Variants in PTPRD observed in about 807,000 individuals in gnomAD.
The protein encoded by PTPRD is protein tyrosine phosphatase receptor type D.
PTPRD carries 34 observed loss-of-function variants against 214.5 expected under a neutral mutation model. The ratio of observed to expected loss-of-function variants is 0.16; its 90% CI spans 0.12 to 0.21. The LOEUF is 0.21. Among genes scored for constraint, PTPRD ranks in the 10% least tolerant of loss-of-function variants. The probability of loss-of-function intolerance (pLI) is 1.00; values close to 1 mark genes in which losing one functional copy is unlikely to be tolerated. For synonymous variants in PTPRD, 1,128 were observed against 845.7 expected (o/e 1.33, Z -5.79); for missense variants, 2,545 against 2,398.7 (o/e 1.06, Z -1.27).
intron 35 of PTPRD, among the ~76,000 whole-genome samples, chr9:8,414,673 C>T (rs146922427): frequency 1.1e-4 from 16 of 151,822 alleles, no homozygotes; most frequent in Admixed American, 5.3e-4. Context: ...ACTGTCCCAG[C>T]GTAGTTATTA....
intron 7 of PTPRD, among the ~76,000 whole-genome samples, chr9:9,607,535 CA>C (rs2094242740): frequency 6.6e-6 from 1 of 151,972 alleles, no homozygotes; most frequent in Admixed American, 6.6e-5. Flanking sequence ...TTTAAGAAAC[CA>C]AAAGATGCAA....
At chr9:8,926,180 C>G (rs2098889998) in intron 11 of PTPRD, among the ~76,000 whole-genome samples, 1 of 152,052 alleles carries the variant, frequency 6.6e-6, no homozygotes, top group African/African-American at 2.4e-5. Context: ...GACTGGAATA[C>G]CTTTTCATTT....
At chr9:9,863,816 GC>G (rs1395710284) in intron 5 of PTPRD, among the ~76,000 whole-genome samples, 1 of 149,370 alleles carries the variant, frequency 6.7e-6, no homozygotes, top group Non-Finnish European at 1.5e-5. Context: ...TATTCCAGCA[GC>G]CAACCTACAT....
chr9:9,088,066 G>C (rs71497125), intron 10 of PTPRD, among the ~76,000 whole-genome samples: 5 of 150,712 alleles, frequency 3.3e-5, no homozygotes, highest in African/African-American at 1.2e-4. Context: ...ATTTTTAGTA[G>C]ACACGGGGTT....
At chr9:9,217,545 G>A (rs948502282) in intron 9 of PTPRD, among the ~76,000 whole-genome samples, 2 of 149,474 alleles carry the variant, frequency 1.3e-5, no homozygotes, top group Admixed American at 6.6e-5. Context: ...TGGCTATGTC[G>A]GATCCTTTAT....
intron 8 of PTPRD, among the ~76,000 whole-genome samples, chr9:9,398,619 G>A (rs1241748488): frequency 2.0e-5 from 3 of 151,948 alleles, no homozygotes; most frequent in Non-Finnish European, 4.4e-5. Context: ...TAAAGAAATT[G>A]AGGGTGAAGA....
intron 11 of PTPRD, among the ~76,000 whole-genome samples, chr9:8,844,757 T>G (rs1566557265): frequency 6.6e-6 from 1 of 152,134 alleles, no homozygotes; most frequent in Non-Finnish European, 1.5e-5. Context: ...TCACAGGAAA[T>G]TACATGAGCT....
chr9:9,495,959 C>T (rs1363015834), intron 8 of PTPRD, among the ~76,000 whole-genome samples: 2 of 152,178 alleles, frequency 1.3e-5, no homozygotes, highest in South Asian at 2.1e-4. Flanking sequence ...TTGGGTGCCA[C>T]CTCAGGCCCC....
chr9:9,614,205 T>C (rs762866784), intron 7 of PTPRD, among the ~76,000 whole-genome samples: 2 of 151,944 alleles, frequency 1.3e-5, no homozygotes, highest in East Asian at 3.9e-4. Flanking sequence ...TACAAAGTGG[T>C]TAATTTTAGA....
At chr9:9,904,025 T>G (rs2076995546) in intron 5 of PTPRD, among the ~76,000 whole-genome samples, 1 of 152,106 alleles carries the variant, frequency 6.6e-6, no homozygotes, top group South Asian at 2.1e-4. Flanking sequence ...CAGTTACCCC[T>G]GGCAAAGTTC....
At chr9:10,352,256 A>G (rs770871685) in intron 2 of PTPRD, among the ~76,000 whole-genome samples, 1 of 152,020 alleles carries the variant, frequency 6.6e-6, no homozygotes, top group African/African-American at 2.4e-5. Context: ...TTTAATATCA[A>G]TGGATTATTT....
chr9:10,031,878 G>A (rs1236847872), intron 4 of PTPRD, among the ~76,000 whole-genome samples: 8 of 151,792 alleles, frequency 5.3e-5, no homozygotes. Context: ...CTGGATAACA[G>A]AAAATTTAAA....
chr9:9,438,959 T>C (rs2086409842), intron 8 of PTPRD, among the ~76,000 whole-genome samples: 1 of 152,156 alleles, frequency 6.6e-6, no homozygotes, highest in South Asian at 2.1e-4. Flanking sequence ...CAGTCTGTGG[T>C]GTTAATATGG....
chr9:10,394,028 A>G (rs1221519217), intron 2 of PTPRD, among the ~76,000 whole-genome samples: 1 of 147,448 alleles, frequency 6.8e-6, no homozygotes, highest in African/African-American at 2.5e-5. Flanking sequence ...GAAGAGACAA[A>G]CAATAAATAG....
intron 28 of PTPRD, 64 bp downstream of exon 28, chr9:8,485,698 A>C (rs2096986753): frequency 1.4e-6 from 2 of 1,400,476 alleles, no homozygotes; most frequent in African/African-American, 2.9e-5. Context: ...ATAGCTTCAA[A>C]ATACTGATTT....
intron 2 of PTPRD, among the ~76,000 whole-genome samples, chr9:10,454,735 G>A (rs1160085428): frequency 6.6e-6 from 1 of 151,240 alleles, no homozygotes; most frequent in African/African-American, 2.4e-5. Context: ...CTTGCCTTTG[G>A]ACCCTTCATC....
intron 44 of PTPRD, among the ~76,000 whole-genome samples, chr9:8,326,498 C>T (rs185919400): frequency 1.4e-4 from 21 of 151,054 alleles, no homozygotes; most frequent in East Asian, 7.8e-4. Flanking sequence ...ATTTTGGCAT[C>T]GATGTTCATC....
intron 5 of PTPRD, among the ~76,000 whole-genome samples, chr9:9,921,752 T>TAA (rs201619783): frequency 1.5e-5 from 2 of 135,746 alleles, no homozygotes; most frequent in Non-Finnish European, 3.2e-5. Flanking sequence ...TTTATAGAAG[T>TAA]AAAAAAAAAA....
intron 4 of PTPRD, among the ~76,000 whole-genome samples, chr9:10,007,038 T>C (rs1358922202): frequency 6.6e-6 from 1 of 151,986 alleles, no homozygotes; most frequent in Non-Finnish European, 1.5e-5. Flanking sequence ...GATAACATTA[T>C]AGTCTTTGAG....
Sources: allele counts gnomAD v4.1 joint callset (sites outside exome capture counted in the v4.1 genomes callset), GRCh38; gene constraint gnomAD v4.1.1; transcripts MANE v1.5; gene names NCBI Gene and HGNC (gene_info 2026-07-23, HGNC 2026-07-21).